Variants in IGSF10 observed in about 807,000 individuals in gnomAD.
The protein encoded by IGSF10 is immunoglobulin superfamily member 10, also known as calvaria mechanical force protein 608.
Under a neutral mutation model 128.2 loss-of-function variants are expected in IGSF10, and 126 were observed. The ratio of observed to expected loss-of-function variants is 0.98; its 90% CI spans 0.85 to 1.14. The LOEUF (loss-of-function observed/expected upper bound fraction) is 1.14. Ranked by LOEUF, IGSF10 falls within the 50% of genes most tolerant of loss-of-function variation. The pLI is 0.00. For synonymous variants in IGSF10, 1,185 were observed against 1,146.2 expected (o/e 1.03, Z -0.68); for missense variants, 3,295 against 3,149.8 (o/e 1.05, Z -1.10).
chr3:151,444,570 CA>C (rs1721072933), intron 6 of IGSF10, among the ~76,000 whole-genome samples: 1 of 152,156 alleles, frequency 6.6e-6, no homozygotes, highest in African/African-American at 2.4e-5. Context: ...TTGGCCTCCC[CA>C]AAGTGCTGGG....
intron 7 of IGSF10, 63 bp downstream of exon 7, chr3:151,442,921 T>C (rs765066257): frequency 1.8e-4 from 256 of 1,453,632 alleles, no homozygotes; most frequent in Non-Finnish European, 2.3e-4. Flanking sequence ...ACTTTTTCCA[T>C]TTCAGAAGTT....
Position 151,437,438 on chromosome 3 carries a change from T to A in IGSF10, c.7123A>T (p.Asn2375Tyr), listed in dbSNP as rs200885185. 8.1e-6 allele frequency: 13 copies of A among 1,614,238 alleles called. No individual in the cohort carries two copies. The East Asian group carries it at 2.9e-4, about 36-fold the overall frequency. ...GGTCCATTGGAAAATCGTGTGCCATTTGGTAAAATCCAGATTATTTCAGGT... is the reference window on the plus strand; with the variant it reads ...GGTCCATTGGAAAATCGTGTGCCATATGGTAAAATCCAGATTATTTCAGGT... ...PPPEIIWILP[N>Y]GTRFSNGPQS... is the part of the protein sequence containing the mutation. Residue 2375 changes from asparagine to tyrosine, a missense_variant, in exon 8 of 8, where the codon AAT becomes TAT. Coordinates refer to ENST00000282466, the MANE Select transcript of IGSF10 (RefSeq NM_178822.5).
the IGSF10 span, among the ~76,000 whole-genome samples, chr3:151,601,874 G>A: frequency 1.3e-5 from 2 of 152,184 alleles, no homozygotes; most frequent in Non-Finnish European, 2.9e-5. Flanking sequence ...GTCTCCATGG[G>A]GCAGTTAGTG....
At chr3:151,521,725 A>G in the IGSF10 span, among the ~76,000 whole-genome samples, 11 of 152,096 alleles carry the variant, frequency 7.2e-5, no homozygotes, top group African/African-American at 2.7e-4. Context: ...TTAAAAGGGA[A>G]ATTCATAGCA....
chr3:151,591,079 T>C, the IGSF10 span, among the ~76,000 whole-genome samples: 2 of 152,270 alleles, frequency 1.3e-5, no homozygotes, highest in East Asian at 1.9e-4. Flanking sequence ...TGCCTTGTGA[T>C]GGCCATCATG....
At chr3:151,485,285 A>G in the IGSF10 span, among the ~76,000 whole-genome samples, 1 of 152,196 alleles carries the variant, frequency 6.6e-6, no homozygotes, top group East Asian at 1.9e-4. Context: ...AAAGCCTCCA[A>G]GAAGTATGGG....
At chr3:151,444,653 G>A (rs989965662) in intron 6 of IGSF10, among the ~76,000 whole-genome samples, 10 of 152,090 alleles carry the variant, frequency 6.6e-5, no homozygotes, top group African/African-American at 9.7e-5. Flanking sequence ...AAGCCAGATG[G>A]TTCAACACAA....
At chr3:151,461,946 G>A (rs368340268), upstream of IGSF10, among the ~76,000 whole-genome samples, 14 of 152,138 alleles carry the variant, frequency 9.2e-5, no homozygotes, top group South Asian at 6.2e-4. Flanking sequence ...ATATTACATC[G>A]TATATAGATG....
chr3:151,601,083 C>T, the IGSF10 span, among the ~76,000 whole-genome samples: 1 of 150,672 alleles, frequency 6.6e-6, no homozygotes, highest in East Asian at 1.9e-4. Flanking sequence ...GATGACTTTA[C>T]CAGAAACAAG....
the IGSF10 span, among the ~76,000 whole-genome samples, chr3:151,578,691 C>G: frequency 2.6e-5 from 4 of 152,162 alleles, no homozygotes; most frequent in African/African-American, 9.7e-5. Context: ...GTGAAACAAA[C>G]ACTTTAAGCC....
the IGSF10 span, among the ~76,000 whole-genome samples, chr3:151,537,797 T>G: frequency 1.3e-5 from 2 of 152,228 alleles, no homozygotes; most frequent in East Asian, 3.8e-4. Flanking sequence ...CTTCTTTCCC[T>G]TCTAAAAATT....
At chr3:151,545,053 T>C in the IGSF10 span, among the ~76,000 whole-genome samples, 1 of 152,252 alleles carries the variant, frequency 6.6e-6, no homozygotes. Context: ...AATTCTTACT[T>C]GGATCCTTCT....
chr3:151,543,578 CTT>C, the IGSF10 span, among the ~76,000 whole-genome samples: 1 of 152,174 alleles, frequency 6.6e-6, no homozygotes, highest in African/African-American at 2.4e-5. Flanking sequence ...TGCTCTCTCT[CTT>C]TCTCTGGGTA....
At chr3:151,582,067 A>G in the IGSF10 span, among the ~76,000 whole-genome samples, 1 of 152,060 alleles carries the variant, frequency 6.6e-6, no homozygotes, top group South Asian at 2.1e-4. Context: ...CTCTGTCTCA[A>G]AAAACAAACA....
rs1721099270 is a variant in IGSF10 at position 151,445,064 on chromosome 3, A to G, written c.4917T>C (p.Ser1639=). 1 of 1,614,198 alleles carries G rather than the reference A, an allele frequency of 6.2e-7. No individual in the cohort carries two copies. Among genetic ancestry groups the G allele is most frequent in the African/African-American group, 1.3e-5 (1 of 75,058 alleles). The change falls in exon 6 of 8, where the codon TCT becomes TCC. Residue 1639 remains serine, a synonymous_variant. Transcript: ENST00000282466. ...ATTSKLLPFD[S]LSRYIFEKPR... ...GCTTTTCAAATATATACCTAGACAA[A>G]GAGTCAAAGGGAAGGAGTTTGGAAG...
the IGSF10 span, among the ~76,000 whole-genome samples, chr3:151,489,001 G>T: frequency 1.3e-5 from 2 of 152,164 alleles, no homozygotes; most frequent in African/African-American, 4.8e-5. Flanking sequence ...AAGAACTTCT[G>T]CGCAGCAAAA....
chr3:151,606,396 G>T, the IGSF10 span, among the ~76,000 whole-genome samples: 1 of 152,058 alleles, frequency 6.6e-6, no homozygotes, highest in Admixed American at 6.5e-5. Flanking sequence ...ACTAAGTGAG[G>T]GTAAGATCAT....
chr3:151,582,433 A>G, the IGSF10 span, among the ~76,000 whole-genome samples: 4 of 151,860 alleles, frequency 2.6e-5, no homozygotes, highest in East Asian at 1.9e-4. Context: ...GTTTAACACT[A>G]TCCTGATTTC....
At chr3:151,558,122 C>T in the IGSF10 span, among the ~76,000 whole-genome samples, 2 of 147,144 alleles carry the variant, frequency 1.4e-5, no homozygotes, top group African/African-American at 5.0e-5. Flanking sequence ...TCTTTACGTA[C>T]AGTCACAGGT....
Sources: gnomAD v4.1 joint callset for allele counts (sites outside exome capture counted in the v4.1 genomes callset) on GRCh38, gnomAD v4.1.1 for gene constraint, MANE v1.5 for transcripts, NCBI Gene and HGNC (gene_info 2026-07-23, HGNC 2026-07-21) for gene names.